Variants in CD163L1 observed in about 807,000 individuals in gnomAD.
CD163L1 encodes CD163 molecule like 1, also known as scavenger receptor cysteine-rich type 1 protein M160.
A neutral mutation model predicts 165.4 loss-of-function variants in CD163L1; 124 were observed. The ratio of observed to expected loss-of-function variants is 0.75; its 90% CI spans 0.65 to 0.87. CD163L1 has a LOEUF of 0.87. Ranked by LOEUF, CD163L1 falls within the 40% of genes least tolerant of loss-of-function variation. CD163L1 has a pLI of 0.00. For missense variants in CD163L1, 1,525 were observed against 1,799.9 expected (o/e 0.85, Z 2.76); for synonymous variants, 585 against 662.2 (o/e 0.88, Z 1.79).
At chr12:7,380,415 A>G (rs777335580) in intron 8 of CD163L1, among the ~76,000 whole-genome samples, 16 of 151,730 alleles carry the variant, frequency 1.1e-4, no homozygotes, top group East Asian at 3.9e-4. Context: ...GTATGTGTGT[A>G]TATATATACA....
intron 8 of CD163L1, among the ~76,000 whole-genome samples, chr12:7,382,225 A>G (rs997019155): frequency 2.0e-4 from 30 of 152,052 alleles, no homozygotes; most frequent in Non-Finnish European, 1.0e-4. Flanking sequence ...CGTGTTCAGG[A>G]ATCCTCAACT....
chr12:7,375,326 C>T lies in CD163L1; in HGVS notation c.2956G>A (p.Ala986Thr). The T allele has an allele frequency of 6.2e-7, 1 of 1,614,160 alleles. No homozygotes were observed. Among genetic ancestry groups the T allele is most frequent in the Non-Finnish European group, 8.5e-7 (1 of 1,180,008 alleles). ...LDNCQMTVLG[A>T]PPCIHGNTVS... is the part of the protein sequence containing the mutation. ...GTATTTCCATGGATACAGGGAGGTGCTCCAAGAACTGTCATTTGACAGTTA... is the reference window on the plus strand; with the variant it reads ...GTATTTCCATGGATACAGGGAGGTGTTCCAAGAACTGTCATTTGACAGTTA... The change falls in exon 11 of 20, where the codon GCA becomes ACA. Residue 986 changes from alanine to threonine, a missense_variant. Transcript: ENST00000313599.
rs192635912 is a variant in CD163L1 at position 7,347,576 on chromosome 12, G to C, written c.*25-429C>G. On this transcript the variant is annotated intron_variant, in intron 4 of 4. Transcript: ENST00000539726. The surrounding 1 kb of genome is among the most constrained non-coding windows in gnomAD (Gnocchi z 4.2). ...AGGTGGATCACGAGGTCAGGAGATC[G>C]AGACCACGTTGAAACCCCGTCTCTA... Among the ~76,000 whole-genome samples the C allele has an allele frequency of 1.5e-3, 229 of 152,140 alleles. No homozygotes were observed. The highest frequency in any genetic ancestry group is 2.3e-3 in the Non-Finnish European group (159 of 67,986).
chr12:7,427,369 T>A (rs1948562232), intron 4 of CD163L1, among the ~76,000 whole-genome samples: 1 of 152,124 alleles, frequency 6.6e-6, no homozygotes, highest in Non-Finnish European at 1.5e-5. Context: ...TGGAAAGATA[T>A]CCCATGTTTA....
At chr12:7,348,070 T>C (rs1946682012) in intron 4 of CD163L1, among the ~76,000 whole-genome samples, 1 of 152,220 alleles carries the variant, frequency 6.6e-6, no homozygotes, top group Non-Finnish European at 1.5e-5. Context: ...CCTTCACTCA[T>C]GACTATTAGA....
chr12:7,435,903 G>A (rs1948707223), intron 2 of CD163L1, among the ~76,000 whole-genome samples: 1 of 152,088 alleles, frequency 6.6e-6, no homozygotes, highest in Admixed American at 6.5e-5. Context: ...CAGAGATGAA[G>A]CTTAGAAATA....
In CD163L1 at chr12:7,357,405, C is replaced by T; in HGVS notation, c.4361G>A (p.Ter1454=). 6.2e-7 allele frequency: 1 copy of T among 1,612,390 alleles called. No homozygotes were observed. The highest frequency in any genetic ancestry group is 8.5e-7 in the Non-Finnish European group (1 of 1,178,846). ...GVLPASEATK[*] is the part of the protein sequence containing the mutation. ...CTGGTGAGCCCTGGAAGTCTAAAGT[C>T]ATTTTGTGGCTTCAGAGGCAGGAAG... The change falls in exon 19 of 20, where the codon TGA becomes TAA. Residue 1454 remains the stop codon, a stop_retained_variant. Transcript: ENST00000313599.
the CD163L1 span, chr12:7,322,271 C>G: frequency 9.3e-7 from 1 of 1,076,230 alleles, no homozygotes; most frequent in Non-Finnish European, 1.4e-6. Context: ...GGCAATATAG[C>G]AGGTGTTCAA....
chr12:7,331,359 G>C, the CD163L1 span, among the ~76,000 whole-genome samples: 1 of 152,240 alleles, frequency 6.6e-6, no homozygotes, highest in Non-Finnish European at 1.5e-5. Flanking sequence ...ACCTCTGGGG[G>C]CAGGGCACAG....
Position 7,372,932 on chromosome 12 carries a change from T to C in CD163L1, c.3730+388A>G, listed in dbSNP as rs1044087172. On this transcript the variant is annotated intron_variant, in intron 14 of 19. Transcript: ENST00000313599. This position sits in a 1 kb window ranked among gnomAD's most constrained non-coding sequence, Gnocchi z 4.2. ...TAGTAAAATGTTCTGCAGGAAAAAA[T>C]AGAGCTGCTTAATCTCCATAATTAA... 5.0e-4 allele frequency among the ~76,000 whole-genome samples: 76 copies of C among 152,200 alleles called. No homozygotes were observed. The highest frequency in any genetic ancestry group is 1.8e-3 in the African/African-American group (74 of 41,552).
intron 18 of CD163L1, among the ~76,000 whole-genome samples, chr12:7,361,582 G>T (rs1242191718): frequency 6.6e-6 from 1 of 152,132 alleles, no homozygotes; most frequent in Non-Finnish European, 1.5e-5. Context: ...GGTGAAGACA[G>T]CAAACTAAAA....
chr12:7,390,865 A>G (rs190338093), intron 8 of CD163L1, among the ~76,000 whole-genome samples: 370 of 152,336 alleles, frequency 2.4e-3, no homozygotes, highest in Admixed American at 4.9e-3. Flanking sequence ...GTTGTATATC[A>G]AATTTTTCTT....
intron 13 of CD163L1, 71 bp from the exon 14 acceptor site, chr12:7,373,711 A>AT (rs11368626): frequency 0.1 from 138,781 of 1,329,226 alleles, 8,964 homozygotes; most frequent in African/African-American, 0.25. Flanking sequence ...CAAGGAATCC[A>AT]TTTTTCCCAT....
At chr12:7,438,370 T>C (rs1398265679) in intron 2 of CD163L1, among the ~76,000 whole-genome samples, 1 of 152,194 alleles carries the variant, frequency 6.6e-6, no homozygotes, top group African/African-American at 2.4e-5. Flanking sequence ...TAAATACATT[T>C]TTATAAGCAT....
chr12:7,422,379 C>T (rs751642406), intron 4 of CD163L1, among the ~76,000 whole-genome samples: 1 of 152,168 alleles, frequency 6.6e-6, no homozygotes, highest in South Asian at 2.1e-4. Context: ...CGGAATATCT[C>T]TTTTCTTCCA....
At chr12:7,373,720 A>G in intron 13 of CD163L1, 80 bp from the exon 14 acceptor site, 1 of 1,209,448 alleles carries the variant, frequency 8.3e-7, no homozygotes, top group East Asian at 2.4e-5. Context: ...CATTTTTCCC[A>G]TGGAAATAAT....
intron 4 of CD163L1, among the ~76,000 whole-genome samples, chr12:7,429,231 G>T (rs1948591878): frequency 6.6e-6 from 1 of 151,844 alleles, no homozygotes; most frequent in Non-Finnish European, 1.5e-5. Flanking sequence ...GGGCTATTAT[G>T]ACATTTAAAA....
chr12:7,415,871 T>G (rs1391427107), intron 4 of CD163L1, among the ~76,000 whole-genome samples: 1 of 152,228 alleles, frequency 6.6e-6, no homozygotes, highest in Non-Finnish European at 1.5e-5. Context: ...TTGTGAACAG[T>G]GCCACAATAA....
intron 18 of CD163L1, among the ~76,000 whole-genome samples, chr12:7,359,184 CAAT>C (rs1272669015): frequency 6.6e-6 from 1 of 151,826 alleles, no homozygotes; most frequent in Non-Finnish European, 1.5e-5. Flanking sequence ...ATATTTGAAG[CAAT>C]AATGACAGGA....
Sources: allele counts gnomAD v4.1 joint callset (sites outside exome capture counted in the v4.1 genomes callset), GRCh38; gene constraint gnomAD v4.1.1; non-coding constraint Gnocchi (gnomAD v3.1); transcripts MANE v1.5; gene names NCBI Gene and HGNC (gene_info 2026-07-23, HGNC 2026-07-21).